Variants in LRRC49 observed in about 807,000 individuals in gnomAD.
The protein encoded by LRRC49 is leucine-rich repeat-containing protein 49.
Under a neutral mutation model 83.3 loss-of-function variants are expected in LRRC49, and 50 were observed. That is an observed-to-expected ratio of 0.60 (90% confidence interval 0.48 to 0.76). The LOEUF (loss-of-function observed/expected upper bound fraction) is 0.76, where lower values mean the gene tolerates loss of function less well. Ranked by LOEUF, LRRC49 falls within the 30% of genes least tolerant of loss-of-function variation. The probability of loss-of-function intolerance (pLI) is 0.00; values close to 1 mark genes in which losing one functional copy is unlikely to be tolerated. For synonymous variants in LRRC49, 286 were observed against 283.3 expected, an observed-to-expected ratio of 1.01 and a Z score of -0.10; for missense variants, 704 against 809.1, an observed-to-expected ratio of 0.87 and a Z score of 1.58.
intron 7 of LRRC49, among the ~76,000 whole-genome samples, chr15:70,921,199 C>T (rs1305938541): frequency 1.3e-5 from 2 of 152,184 alleles, no homozygotes; most frequent in Non-Finnish European, 2.9e-5. Context: ...AAGGGAAAGT[C>T]ACTCAGTGAC....
chr15:70,866,533 T>C (rs954068028), intron 1 of LRRC49, among the ~76,000 whole-genome samples: 37 of 152,330 alleles, frequency 2.4e-4, no homozygotes, highest in African/African-American at 8.7e-4. Flanking sequence ...GGTTTCTGCA[T>C]GGAAATCTTA....
At chr15:70,892,350 G>A, upstream of LRRC49, 2 of 1,548,566 alleles carry the variant, frequency 1.3e-6, no homozygotes, top group Non-Finnish European at 8.7e-7. Flanking sequence ...CGGCCTCGGC[G>A]AGGCAAGTCC....
chr15:70,985,021 G>A (rs893922416), intron 11 of LRRC49, among the ~76,000 whole-genome samples: 1 of 133,118 alleles, frequency 7.5e-6, no homozygotes, highest in Admixed American at 8.0e-5. Context: ...TCTTAATCCA[G>A]TCTATCATTG....
chr15:70,892,120 C>G (rs1567038183), upstream of LRRC49: 1 of 1,613,902 alleles, frequency 6.2e-7, no homozygotes. Context: ...AGCAGATGAC[C>G]GAGCGGTCAT....
intron 8 of LRRC49, among the ~76,000 whole-genome samples, chr15:70,947,135 A>G (rs1418251253): frequency 6.6e-6 from 1 of 152,092 alleles, no homozygotes; most frequent in Non-Finnish European, 1.5e-5. Context: ...GACCTACTTC[A>G]GGGATTATGA....
At chr15:71,008,344 A>C in intron 11 of LRRC49, 35 bp from the exon 12 acceptor site, 1 of 1,212,918 alleles carries the variant, frequency 8.2e-7, no homozygotes, top group Non-Finnish European at 1.2e-6. Context: ...TCTGCATGAT[A>C]TCTTTCATTT....
intron 1 of LRRC49, 111 bp downstream of exon 1, chr15:70,893,053 C>G (rs1249615777): frequency 8.1e-7 from 1 of 1,233,652 alleles, no homozygotes; most frequent in Non-Finnish European, 1.2e-6. Flanking sequence ...TGGGTCTACT[C>G]AAGCTATTGT....
At chr15:71,016,156 T>C (rs979209926) in intron 14 of LRRC49, among the ~76,000 whole-genome samples, 2 of 152,352 alleles carry the variant, frequency 1.3e-5, no homozygotes, top group Admixed American at 6.5e-5. Flanking sequence ...ACATAGATAC[T>C]TTTTACTCTA....
chr15:70,863,109 G>A (rs2032830948), intron 1 of LRRC49, among the ~76,000 whole-genome samples: 1 of 152,196 alleles, frequency 6.6e-6, no homozygotes, highest in Admixed American at 6.5e-5. Context: ...GGTCCTTTGT[G>A]CCAATAGTGG....
intron 7 of LRRC49, among the ~76,000 whole-genome samples, chr15:70,931,813 C>T (rs539045582): frequency 1.3e-5 from 2 of 152,196 alleles, no homozygotes; most frequent in African/African-American, 2.4e-5. Context: ...GAGTTGAATT[C>T]GTGTCCTTCT....
intron 15 of LRRC49, among the ~76,000 whole-genome samples, chr15:71,038,604 A>G (rs1453623996): frequency 2.0e-5 from 3 of 152,078 alleles, no homozygotes; most frequent in South Asian, 4.1e-4. Flanking sequence ...ATCCTACAAG[A>G]TGTTCTACTT....
chr15:70,871,245 T>A (rs556725963), intron 1 of LRRC49, among the ~76,000 whole-genome samples: 7 of 152,118 alleles, frequency 4.6e-5, no homozygotes, highest in African/African-American at 7.2e-5. Flanking sequence ...ACACAGCACA[T>A]GTTTCAGAGA....
intron 1 of LRRC49, among the ~76,000 whole-genome samples, chr15:70,871,819 C>T (rs897097665): frequency 1.3e-5 from 2 of 151,354 alleles, no homozygotes; most frequent in African/African-American, 4.9e-5. Flanking sequence ...TAGAGGCGCT[C>T]CCCACATCTC....
At chr15:71,037,093 G>A (rs2039543603) in intron 14 of LRRC49, 86 bp from the exon 15 acceptor site, 1 of 895,406 alleles carries the variant, frequency 1.1e-6, no homozygotes, top group African/African-American at 1.7e-5. Context: ...AAAAGTATAT[G>A]TTCTCCTCTA....
chr15:70,898,292 A>G (rs2033920647), intron 3 of LRRC49: 1 of 640,154 alleles, frequency 1.6e-6, no homozygotes. Context: ...TAACACACGC[A>G]AAATAGATTT....
At chr15:70,916,377 C>T (rs2034773494) in intron 6 of LRRC49, among the ~76,000 whole-genome samples, 4 of 152,176 alleles carry the variant, frequency 2.6e-5, no homozygotes, top group Non-Finnish European at 4.4e-5. Context: ...TCACTGCAAC[C>T]TCTGCCTCCT....
At chr15:71,044,928 G>C (rs959337935) in intron 15 of LRRC49, among the ~76,000 whole-genome samples, 1 of 107,298 alleles carries the variant, frequency 9.3e-6, no homozygotes, top group Admixed American at 1.4e-4. Context: ...GTCTCCCTCT[G>C]TCACCCAGGC....
At chr15:70,879,621 G>A (rs1425251823) in intron 2 of LRRC49, among the ~76,000 whole-genome samples, 1 of 152,152 alleles carries the variant, frequency 6.6e-6, no homozygotes, top group Non-Finnish European at 1.5e-5. Context: ...ATTAGTCAGA[G>A]ATTTGGGTGG....
At chr15:70,913,830 G>A (rs2141125552) in intron 6 of LRRC49, among the ~76,000 whole-genome samples, 1 of 152,204 alleles carries the variant, frequency 6.6e-6, no homozygotes, top group African/African-American at 2.4e-5. Context: ...AAGAGTTTGT[G>A]AGTACTACCC....
Sources: allele counts gnomAD v4.1 joint callset (sites outside exome capture counted in the v4.1 genomes callset), GRCh38; gene constraint gnomAD v4.1.1; transcripts MANE v1.5; gene names NCBI Gene and HGNC (gene_info 2026-07-23, HGNC 2026-07-21).